The following NCOR2 variants were observed in gnomAD, a reference collection of about 807,000 sequenced individuals.
NCOR2 encodes CTG repeat protein 26.
NCOR2 carries 81 observed loss-of-function variants against 262.9 expected under a neutral mutation model. The observed-to-expected ratio is 0.31, with a 90% CI of 0.26 to 0.37. The LOEUF is 0.37. Among genes scored for constraint, NCOR2 ranks in the 10% least tolerant of loss-of-function variants. The pLI is 1.00. For synonymous variants in NCOR2, 1,659 were observed against 1,559.3 expected, an observed-to-expected ratio of 1.06 and a Z score of -1.51; for missense variants, 3,385 against 3,621.4, an observed-to-expected ratio of 0.93 and a Z score of 1.68.
chr12:124,385,978 A>G, intron 16 of NCOR2, 91 bp from the exon 19 acceptor site: 6 of 1,480,468 alleles, frequency 4.1e-6, no homozygotes, highest in East Asian at 2.3e-5. Context: ...ACGGGCCTGG[A>G]GCAGAAACCC....
intron 2 of NCOR2, among the ~76,000 whole-genome samples, chr12:124,485,788 A>G (rs570224732): frequency 1.3e-5 from 2 of 152,300 alleles, no homozygotes; most frequent in African/African-American, 4.8e-5. Flanking sequence ...CAGCTGCCCC[A>G]TCTGAGAAAT....
chr12:124,336,682 C>T, intron 38 of NCOR2, 71 bp downstream of exon 40: 1 of 1,558,924 alleles, frequency 6.4e-7, no homozygotes, highest in Non-Finnish European at 8.7e-7. Context: ...CTTCTCGCGC[C>T]CCTTTATCGT....
intron 28 of NCOR2, among the ~76,000 whole-genome samples, chr12:124,350,311 G>A (rs767146137): frequency 6.6e-6 from 1 of 152,194 alleles, no homozygotes; most frequent in Non-Finnish European, 1.5e-5. Flanking sequence ...GCGTGAGCTC[G>A]GGCTTCTGTT....
intron 1 of NCOR2, among the ~76,000 whole-genome samples, chr12:124,534,449 C>CT (rs2051013056): frequency 7.1e-6 from 1 of 141,072 alleles, no homozygotes; most frequent in Admixed American, 7.4e-5. Flanking sequence ...AAGCAAGACT[C>CT]TGTCTCGAAA....
chr12:124,551,276 T>C (rs2051705522), intron 1 of NCOR2, among the ~76,000 whole-genome samples: 1 of 152,224 alleles, frequency 6.6e-6, no homozygotes, highest in Non-Finnish European at 1.5e-5. Context: ...CTGAATTATA[T>C]ACAAAGCTGT....
exon 45 of NCOR2, chr12:124,327,550 T>C (rs2034786729): frequency 6.2e-7 from 1 of 1,613,858 alleles, no homozygotes; most frequent in South Asian, 1.1e-5. Context: ...TATTTACCCA[T>C]GAGTGCCTTT....
intron 1 of NCOR2, among the ~76,000 whole-genome samples, chr12:124,561,619 G>A (rs536088680): frequency 1.3e-5 from 2 of 152,250 alleles, no homozygotes; most frequent in South Asian, 2.1e-4. Flanking sequence ...CAGGGAGAAC[G>A]GACCAGCCCA....
chr12:124,376,263 C>T (rs756014847), intron 18 of NCOR2, among the ~76,000 whole-genome samples: 5 of 152,226 alleles, frequency 3.3e-5, no homozygotes, highest in Admixed American at 6.5e-5. Flanking sequence ...GAGCATGCCC[C>T]TCCCCGTCCC....
At chr12:124,348,233 C>G in exon 29 of NCOR2, 1 of 1,613,152 alleles carries the variant, frequency 6.2e-7, no homozygotes, top group Non-Finnish European at 8.5e-7. Context: ...GTCATAGGTG[C>G]GCTTGGGGGC....
At position 124,363,163 on chromosome 12, in the gene NCOR2, G is replaced by A. The variant is rs192277059; in HGVS notation, c.2928+516C>T. 2.6e-5 allele frequency among the ~76,000 whole-genome samples: 4 copies of A among 152,352 alleles called. No homozygotes were observed. In the East Asian group the frequency reaches 7.7e-4, roughly 29 times the overall value. ...ACACGCCCTGAGCCCATCACTCAAA[G>A]TCCCAAGGGACCACCAGCCTGGTCA... On this transcript the variant is annotated intron_variant, in intron 21 of 46. Coordinates refer to ENST00000405201, the Ensembl canonical transcript of NCOR2.
At chr12:124,502,955 T>C (rs2048825844) in intron 1 of NCOR2, among the ~76,000 whole-genome samples, 1 of 152,166 alleles carries the variant, frequency 6.6e-6, no homozygotes, top group Non-Finnish European at 1.5e-5. Context: ...GCCAGACTCC[T>C]TGGCCCTCAC....
rs1339764111 is a variant in NCOR2, at chr12:124,347,709, C to CT, written c.4072+115dup. On this transcript the variant is annotated intron_variant, in intron 30 of 46. Coordinates refer to ENST00000405201, the Ensembl canonical transcript of NCOR2. ...GATCATGTACATGTGTGCTGCAGGC[C>CT]TTTCTGCATACTTGTCCTGAGTTCC... 36 of 996,808 alleles carry CT rather than the reference C, an allele frequency of 3.6e-5. No homozygotes were observed. In the Admixed American group the frequency reaches 7.7e-4, roughly 21 times the overall value. 61.7% of individuals were successfully genotyped at this position (996,808 alleles called of 1,614,324 possible).
exon 38 of NCOR2, chr12:124,337,026 G>A: frequency 6.7e-7 from 1 of 1,503,556 alleles, no homozygotes. Flanking sequence ...TCTGCTCGGG[G>A]CCGCTCTGGC....
intron 27 of NCOR2, among the ~76,000 whole-genome samples, chr12:124,352,062 A>G (rs1474080273): frequency 2.6e-5 from 4 of 152,190 alleles, no homozygotes; most frequent in Admixed American, 2.6e-4. Flanking sequence ...TTCCCAAAGC[A>G]AATACTCTGA....
chr12:124,372,775 C>G (rs985262886), intron 19 of NCOR2, among the ~76,000 whole-genome samples, 165 bp from the exon 22 acceptor site: 1 of 152,148 alleles, frequency 6.6e-6, no homozygotes, highest in Admixed American at 6.5e-5. Context: ...ACCCCTGAGA[C>G]AAAGCCCCTG....
intron 18 of NCOR2, among the ~76,000 whole-genome samples, chr12:124,376,459 G>A (rs1175318329): frequency 6.6e-6 from 1 of 152,214 alleles, no homozygotes; most frequent in African/African-American, 2.4e-5. Context: ...TGCTCCCGGG[G>A]TCTTCTCCTG....
chr12:124,563,206 T>C (rs2137300411), intron 1 of NCOR2, among the ~76,000 whole-genome samples: 1 of 152,312 alleles, frequency 6.6e-6, no homozygotes, highest in Non-Finnish European at 1.5e-5. Context: ...CTTCCAATGC[T>C]AAATCAGCGG....
chr12:124,558,561 G>A (rs554772123), intron 1 of NCOR2, among the ~76,000 whole-genome samples: 18 of 152,328 alleles, frequency 1.2e-4, no homozygotes, highest in Admixed American at 2.0e-4. Flanking sequence ...ATCGAGAGGT[G>A]GCTGGGACCA....
chr12:124,547,884 G>A (rs2051588205), intron 1 of NCOR2, among the ~76,000 whole-genome samples: 1 of 152,176 alleles, frequency 6.6e-6, no homozygotes, highest in Non-Finnish European at 1.5e-5. Flanking sequence ...ATTGTATGGA[G>A]AGACCAATCA....
Sources: allele counts gnomAD v4.1 joint callset (sites outside exome capture counted in the v4.1 genomes callset), GRCh38; gene constraint gnomAD v4.1.1; transcripts MANE v1.5; gene names NCBI Gene and HGNC (gene_info 2026-07-23, HGNC 2026-07-21).